Variants in KIF21A observed in about 807,000 individuals in gnomAD.
KIF21A encodes kinesin family member 21A, also known as kinesin-like protein KIF21A.
Under a neutral mutation model 202.9 loss-of-function variants are expected in KIF21A, and 114 were observed. The ratio of observed to expected loss-of-function variants is 0.56; its 90% CI spans 0.48 to 0.66. The LOEUF (loss-of-function observed/expected upper bound fraction) is 0.66, where lower values mean the gene tolerates loss of function less well. KIF21A is among the 30% of genes least tolerant of loss of function. The pLI is 0.00. For missense variants in KIF21A, 1,677 were observed against 1,994.9 expected, an observed-to-expected ratio of 0.84 and a Z score of 3.04; for synonymous variants, 667 against 670.8, an observed-to-expected ratio of 0.99 and a Z score of 0.09.
intron 1 of KIF21A, among the ~76,000 whole-genome samples, chr12:39,371,609 G>T (rs1381681219): frequency 6.6e-6 from 1 of 152,078 alleles, no homozygotes; most frequent in African/African-American, 2.4e-5. Context: ...AGAAAGAGAA[G>T]CAGTTTAAGG....
intron 1 of KIF21A, among the ~76,000 whole-genome samples, chr12:39,429,266 G>A (rs1013373942): frequency 6.6e-6 from 1 of 152,070 alleles, no homozygotes; most frequent in African/African-American, 2.4e-5. Context: ...AGAGAACAAA[G>A]ATTAAGAAAA....
chr12:39,339,525 A>G (rs1947273263), intron 16 of KIF21A, among the ~76,000 whole-genome samples: 1 of 152,316 alleles, frequency 6.6e-6, no homozygotes, highest in African/African-American at 2.4e-5. Flanking sequence ...AGAATGTACC[A>G]TCATTAAGCA....
At position 39,294,207 on chromosome 12, in the gene KIF21A, T is replaced by C; in HGVS notation, c.*217A>G. 2.1e-6 allele frequency: 1 copy of C among 481,572 alleles called. No individual in the cohort carries two copies. The highest frequency in any genetic ancestry group is 2.4e-5 in the South Asian group (1 of 41,988). The allele number at this position is 481,572 out of a possible 1,614,324, so 29.8% of individuals were successfully genotyped here. ...AAGTGTGAATAAAGCAATATATCAA[T>C]TGTAGGATATATATCTATTGGTTGA... is the stretch of plus-strand genomic sequence containing the variant. On this transcript the variant is annotated 3_prime_UTR_variant, in exon 38 of 38. Transcript: ENST00000361418.
chr12:39,335,410 C>CAAAAAAAAAAAAAAA (rs1033088626), intron 17 of KIF21A, among the ~76,000 whole-genome samples: 1 of 61,960 alleles, frequency 1.6e-5, no homozygotes, highest in African/African-American at 5.6e-5. Context: ...GACTCTGTCT[C>CAAAAAAAAAAAAAAA]AAAAAAAAAA....
At chr12:39,428,307 C>T (rs1330619722) in intron 1 of KIF21A, among the ~76,000 whole-genome samples, 7 of 152,180 alleles carry the variant, frequency 4.6e-5, no homozygotes, top group Non-Finnish European at 7.3e-5. Flanking sequence ...ATCAAGTTTG[C>T]TTTCTAAAAA....
At chr12:39,304,271 C>G (rs1330148449) in intron 35 of KIF21A, among the ~76,000 whole-genome samples, 2 of 152,124 alleles carry the variant, frequency 1.3e-5, no homozygotes, top group Non-Finnish European at 2.9e-5. Flanking sequence ...AGGCTGAGTT[C>G]CCAGTCAACT....
At chr12:39,344,272 C>T (rs934455630) in intron 12 of KIF21A, among the ~76,000 whole-genome samples, 2 of 152,108 alleles carry the variant, frequency 1.3e-5, no homozygotes, top group Non-Finnish European at 2.9e-5. Flanking sequence ...GAAAGAAATT[C>T]CCCTTTCATC....
intron 30 of KIF21A, among the ~76,000 whole-genome samples, chr12:39,315,477 A>G (rs1944431595): frequency 6.6e-6 from 1 of 151,864 alleles, no homozygotes; most frequent in Non-Finnish European, 1.5e-5. Flanking sequence ...ATTCTTTTTA[A>G]TTTTTGGTAT....
At chr12:39,416,141 A>G (rs548259613) in intron 1 of KIF21A, among the ~76,000 whole-genome samples, 1 of 152,304 alleles carries the variant, frequency 6.6e-6, no homozygotes, top group Non-Finnish European at 1.5e-5. Flanking sequence ...AGAAAAAAAA[A>G]GTTTATACCT....
In KIF21A at chr12:39,332,317, G is replaced by T; in HGVS notation, c.2948C>A (p.Ala983Asp). 1 of 1,613,236 alleles carries T rather than the reference G, an allele frequency of 6.2e-7. No homozygotes were observed. The highest frequency in any genetic ancestry group is 8.5e-7 in the Non-Finnish European group (1 of 1,179,458). The change falls in exon 21 of 38, where the codon GCT becomes GAT. Residue 983 changes from alanine to aspartate, a missense_variant. Ala to Asp is a moderately radical substitution (Grantham distance 126). This residue lies in a region of KIF21A where 966 missense variants were observed against 1,180.9 expected (regional missense o/e 0.82). Transcript: ENST00000361418. ...KENGEGDKNVANINEEMESLT... is the reference protein window; with the variant it reads ...KENGEGDKNVDNINEEMESLT... ...TGACTCCATCTCTTCATTGATATTA[G>T]CCACATTTTTATCTCCCTCTCCATT...
chr12:39,330,685 C>T, intron 23 of KIF21A, 61 bp downstream of exon 23: 1 of 1,434,928 alleles, frequency 7.0e-7, no homozygotes, highest in South Asian at 1.1e-5. Context: ...ATATACTATA[C>T]CATGTTCAAA....
In KIF21A at chr12:39,340,354, T is replaced by C; in HGVS notation, c.2121A>G (p.Glu707=). The change falls in exon 16 of 38, where the codon GAA becomes GAG. Residue 707 remains glutamate (E), a synonymous_variant. Transcript: ENST00000361418. ...TTTTTGCTTTTTCTTCTGAGTAAGA[T>C]TCTACCGAGCCTAAATGACCAGAGG... is the stretch of plus-strand genomic sequence containing the variant. The part of the protein sequence containing the change: ...DQVLQNLGSV[E]SYSEEKAKKV... The C allele has an allele frequency of 6.2e-7, 1 of 1,605,940 alleles. No individual in the cohort carries two copies. Among genetic ancestry groups the C allele is most frequent in the Non-Finnish European group, 8.5e-7 (1 of 1,175,046 alleles).
At chr12:39,358,102 T>C in intron 8 of KIF21A, 76 bp downstream of exon 8, 2 of 1,208,336 alleles carry the variant, frequency 1.7e-6, no homozygotes, top group South Asian at 2.4e-5. Flanking sequence ...AACACGTATG[T>C]GTAAGGCATT....
At chr12:39,433,621 T>TA (rs1938268251) in intron 1 of KIF21A, among the ~76,000 whole-genome samples, 1 of 152,174 alleles carries the variant, frequency 6.6e-6, no homozygotes, top group East Asian at 1.9e-4. Flanking sequence ...GAGCAACTAG[T>TA]AAAAAGTATA....
chr12:39,381,487 T>A (rs1678232838), intron 1 of KIF21A, among the ~76,000 whole-genome samples: 1 of 152,008 alleles, frequency 6.6e-6, no homozygotes, highest in South Asian at 2.1e-4. Flanking sequence ...TTTAAAAATA[T>A]GGATGATACT....
intron 35 of KIF21A, among the ~76,000 whole-genome samples, chr12:39,303,799 G>C (rs12099945): frequency 3.3e-5 from 5 of 151,996 alleles, no homozygotes; most frequent in Admixed American, 1.3e-4. Flanking sequence ...GTTCAAAATC[G>C]TTTCACTTTC....
At chr12:39,325,463 C>T (rs1172504099) in intron 26 of KIF21A, among the ~76,000 whole-genome samples, 1 of 149,934 alleles carries the variant, frequency 6.7e-6, no homozygotes, top group Non-Finnish European at 1.5e-5. Context: ...TCCCGAGTAG[C>T]TGGGACTACA....
chr12:39,316,900 T>C (rs978381078), intron 29 of KIF21A, among the ~76,000 whole-genome samples: 10 of 152,132 alleles, frequency 6.6e-5, no homozygotes, highest in Admixed American at 2.0e-4. Flanking sequence ...TGTGATTAGG[T>C]TGTCAAGATT....
chr12:39,437,945 T>C (rs1169836036), intron 1 of KIF21A, among the ~76,000 whole-genome samples: 2 of 152,196 alleles, frequency 1.3e-5, no homozygotes, highest in Non-Finnish European at 2.9e-5. Flanking sequence ...ACCTCACATG[T>C]ATATCTAGAG....
Sources: gnomAD v4.1 joint callset for allele counts (sites outside exome capture counted in the v4.1 genomes callset) on GRCh38, gnomAD v4.1.1 for gene constraint, gnomAD v4.1.1 regional missense constraint, MANE v1.5 for transcripts, NCBI Gene and HGNC (gene_info 2026-07-23, HGNC 2026-07-21) for gene names.